The following LSAMP variants were observed in gnomAD, a reference collection of about 807,000 sequenced individuals.
LSAMP encodes the protein limbic system-associated membrane protein.
Under a neutral mutation model 38.6 loss-of-function variants are expected in LSAMP, and 7 were observed. The ratio of observed to expected loss-of-function variants is 0.18; its 90% CI spans 0.10 to 0.34. The LOEUF (loss-of-function observed/expected upper bound fraction) is 0.34, where lower values mean the gene tolerates loss of function less well. LSAMP is among the 10% of genes least tolerant of loss of function. LSAMP has a pLI of 1.00. For missense variants in LSAMP, 313 were observed against 420.0 expected (o/e 0.75, Z 2.23); for synonymous variants, 154 against 166.8 (o/e 0.92, Z 0.59).
At chr3:116,153,698 T>TA (rs202095830) in intron 1 of LSAMP, among the ~76,000 whole-genome samples, 51 of 151,688 alleles carry the variant, frequency 3.4e-4, no homozygotes, top group African/African-American at 5.1e-4. Context: ...TTCAATCTTG[T>TA]AAAAAAAAAT....
At chr3:116,345,422 G>A (rs928094239) in intron 1 of LSAMP, among the ~76,000 whole-genome samples, 1 of 152,058 alleles carries the variant, frequency 6.6e-6, no homozygotes, top group Admixed American at 6.6e-5. Context: ...CTAGATATCG[G>A]CCCTGTAGTT....
At chr3:116,425,177 C>T (rs2049178523) in intron 1 of LSAMP, among the ~76,000 whole-genome samples, 1 of 152,174 alleles carries the variant, frequency 6.6e-6, no homozygotes, top group Non-Finnish European at 1.5e-5. Context: ...AACAATTGCT[C>T]ACCTGTAACG....
chr3:116,128,359 C>T (rs915588057), intron 1 of LSAMP, among the ~76,000 whole-genome samples: 3 of 152,154 alleles, frequency 2.0e-5, no homozygotes, highest in South Asian at 2.1e-4. Context: ...GGTATCTGAG[C>T]GTCTGACTTC....
intron 3 of LSAMP, among the ~76,000 whole-genome samples, chr3:115,977,386 T>C (rs1433871147): frequency 3.3e-5 from 5 of 152,170 alleles, no homozygotes; most frequent in Non-Finnish European, 5.9e-5. Flanking sequence ...TTGATCCACA[T>C]GATCTCTGGG....
At chr3:116,412,062 T>C (rs2048988011) in intron 1 of LSAMP, among the ~76,000 whole-genome samples, 1 of 152,054 alleles carries the variant, frequency 6.6e-6, no homozygotes, top group South Asian at 2.1e-4. Context: ...ATTAAATACC[T>C]GTGGTAGTCC....
chr3:116,445,366 C>G lies in LSAMP; in HGVS notation c.-335G>C. On this transcript the variant is annotated 5_prime_UTR_variant, in exon 1 of 7. Transcript: ENST00000490035. The stretch of plus-strand genomic sequence containing the variant: ...TTTGGTCTCTCTGTGACTGGATGCT[C>G]CTCTGCCAGTGTCTGAGCTGAGCTC... The G allele has an allele frequency of 2.0e-6, 1 of 510,034 alleles. No homozygotes were observed. The highest frequency in any genetic ancestry group is 3.5e-5 in the South Asian group (1 of 28,320). 31.6% of individuals were successfully genotyped at this position (510,034 alleles called of 1,614,324 possible). A position where few individuals can be genotyped will look rare whatever the true frequency, so the allele number is the denominator to read the frequency against.
chr3:116,401,820 C>T (rs898853291), intron 1 of LSAMP, among the ~76,000 whole-genome samples: 4 of 152,142 alleles, frequency 2.6e-5, no homozygotes, highest in Non-Finnish European at 2.9e-5. Context: ...GAGATATATA[C>T]ACATTTATTA....
At chr3:116,206,849 GT>G (rs1318113919) in intron 1 of LSAMP, among the ~76,000 whole-genome samples, 1 of 151,266 alleles carries the variant, frequency 6.6e-6, no homozygotes, top group East Asian at 1.9e-4. Flanking sequence ...TGGAATAGGT[GT>G]GCTGTGGTGC....
chr3:116,315,214 C>G (rs185219507), intron 1 of LSAMP, among the ~76,000 whole-genome samples: 121 of 152,256 alleles, frequency 7.9e-4, no homozygotes, highest in Admixed American at 3.1e-3. Context: ...TTCTACCTAC[C>G]AAGTCTCCAA....
At chr3:116,415,008 AT>A (rs1458973693) in intron 1 of LSAMP, among the ~76,000 whole-genome samples, 1 of 151,760 alleles carries the variant, frequency 6.6e-6, no homozygotes, top group East Asian at 1.9e-4. Context: ...ATCAGACCTC[AT>A]TGGCCATCTC....
At chr3:116,006,480 T>A (rs1005649064) in intron 3 of LSAMP, among the ~76,000 whole-genome samples, 1 of 152,200 alleles carries the variant, frequency 6.6e-6, no homozygotes, top group South Asian at 2.1e-4. Flanking sequence ...AACTATTTTT[T>A]AAAATAAATG....
chr3:116,394,394 T>A (rs59313401), intron 1 of LSAMP, among the ~76,000 whole-genome samples: 18,200 of 152,204 alleles, frequency 0.12, 1,596 homozygotes, highest in African/African-American at 0.25. Context: ...TCCTGCCCTA[T>A]TGCTCCCTCT....
In LSAMP at chr3:115,943,171, C is replaced by T. The variant is rs181885643; in HGVS notation, c.514+76344G>A. Reference sequence around the variant, plus strand: ...AGAAGGTTTCACCCTGTGGTACAGCCAATGAGCTAGTTAGGCAGCAGCACT... The same window carrying T: ...AGAAGGTTTCACCCTGTGGTACAGCTAATGAGCTAGTTAGGCAGCAGCACT... On this transcript the variant is annotated intron_variant, in intron 3 of 6. Transcript: ENST00000490035. 1.2e-3 allele frequency among the ~76,000 whole-genome samples: 190 copies of T among 152,250 alleles called. 1 individual carries two copies. The highest frequency in any genetic ancestry group is 2.3e-3 in the South Asian group (11 of 4,824).
chr3:115,885,453 A>C (rs1350446403), intron 3 of LSAMP, among the ~76,000 whole-genome samples: 2 of 152,024 alleles, frequency 1.3e-5, no homozygotes, highest in East Asian at 3.9e-4. Context: ...ATTAGTTCTG[A>C]AGAAAAACTA....
At chr3:116,153,615 C>G (rs536311901) in intron 1 of LSAMP, among the ~76,000 whole-genome samples, 19 of 152,188 alleles carry the variant, frequency 1.2e-4, no homozygotes, top group African/African-American at 4.3e-4. Flanking sequence ...TCAATTAGAT[C>G]GTCTCTCACT....
At chr3:115,933,314 C>A (rs947696772) in intron 3 of LSAMP, among the ~76,000 whole-genome samples, 3 of 152,068 alleles carry the variant, frequency 2.0e-5, no homozygotes, top group African/African-American at 7.2e-5. Flanking sequence ...TGGTTGGAAG[C>A]CTACAGCATT....
rs192637129 is a variant in LSAMP at position 116,232,125 on chromosome 3, A to G, written c.156-145569T>C. On this transcript the variant is annotated intron_variant, in intron 1 of 6. Transcript: ENST00000490035. Reference sequence around the variant, plus strand: ...TGGTGCATGAAATAAGCAAATTTGGAGAAATACACATTAAATCAATAGCTC... The same window carrying G: ...TGGTGCATGAAATAAGCAAATTTGGGGAAATACACATTAAATCAATAGCTC... Among the ~76,000 whole-genome samples the G allele has an allele frequency of 3.0e-4, 45 of 152,338 alleles. No individual in the cohort carries two copies. In the East Asian group the frequency reaches 6.0e-3, roughly 20 times the overall value.
In LSAMP at chr3:115,851,074, A is replaced by G. The variant is rs111843842; in HGVS notation, c.649+1409T>C. 8.0e-4 allele frequency among the ~76,000 whole-genome samples: 122 copies of G among 152,186 alleles called. 1 individual carries two copies. The highest frequency in any genetic ancestry group is 2.4e-3 in the African/African-American group (99 of 41,516). ...CTGCAACCTCCACCTTCTGGGTTCA[A>G]GTGATTCTTCTGCCTCAGCCTCCTG... On this transcript the variant is annotated intron_variant, in intron 4 of 6. Transcript: ENST00000490035.
chr3:115,879,579 C>T (rs1936270565), intron 3 of LSAMP, among the ~76,000 whole-genome samples: 1 of 152,148 alleles, frequency 6.6e-6, no homozygotes, highest in South Asian at 2.1e-4. Context: ...TCATTAGTGC[C>T]TATAACATGC....
Sources: allele counts gnomAD v4.1 joint callset (sites outside exome capture counted in the v4.1 genomes callset), GRCh38; gene constraint gnomAD v4.1.1; transcripts MANE v1.5; gene names NCBI Gene and HGNC (gene_info 2026-07-23, HGNC 2026-07-21).